Variants in FAM83H observed in about 807,000 individuals in gnomAD.
The protein encoded by FAM83H is scaffolding CK1 anchoring protein H.
Under a neutral mutation model 30.2 loss-of-function variants are expected in FAM83H, and 24 were observed. The ratio of observed to expected loss-of-function variants is 0.79; its 90% CI spans 0.57 to 1.12. The LOEUF (loss-of-function observed/expected upper bound fraction) is 1.12, where lower values mean the gene tolerates loss of function less well. Ranked by LOEUF, FAM83H falls within the 50% of genes most tolerant of loss-of-function variation. The pLI, the probability that FAM83H is intolerant of heterozygous loss-of-function variation, is 0.00. For missense variants in FAM83H, 2,038 were observed against 1,773.9 expected, an observed-to-expected ratio of 1.15 and a Z score of -2.67; for synonymous variants, 1,013 against 821.7, an observed-to-expected ratio of 1.23 and a Z score of -3.98.
In FAM83H at chr8:143,729,069, G is replaced by T; in HGVS notation, c.635C>A (p.Ala212Glu). 1.9e-6 allele frequency: 3 copies of T among 1,613,690 alleles called. No individual in the cohort carries two copies. The highest frequency in any genetic ancestry group is 2.5e-6 in the Non-Finnish European group (3 of 1,180,002). The change falls in exon 4 of 5, where the codon GCG becomes GAG. Residue 212 changes from alanine (A) to glutamate (E), a missense_variant. Coordinates refer to ENST00000388913, the MANE Select transcript of FAM83H (RefSeq NM_198488.5). ...HVDFLRVRTV[A>E]GPTYYCRTGK... Reference sequence around the variant, plus strand: ...AGTGCGGCAGTAGTAGGTGGGGCCCGCCACAGTCCGTACGCGCAGGAACTG... The same window carrying T: ...AGTGCGGCAGTAGTAGGTGGGGCCCTCCACAGTCCGTACGCGCAGGAACTG...
chr8:143,730,563 C>G lies in FAM83H; in HGVS notation c.20G>C (p.Ser7Thr). 1.3e-6 allele frequency: 2 copies of G among 1,555,880 alleles called. No individual in the cohort carries two copies. The highest frequency in any genetic ancestry group is 1.7e-6 in the Non-Finnish European group (2 of 1,151,672). MARRSQSSSQGDNPLAP... is the reference protein window; with the variant it reads MARRSQTSSQGDNPLAP... Reference sequence around the variant, plus strand: ...CAGTGGGTTGTCCCCCTGCGAGGAGCTCTGAGAGCGACGGGCCATGTTGGG... The same window carrying G: ...CAGTGGGTTGTCCCCCTGCGAGGAGGTCTGAGAGCGACGGGCCATGTTGGG... Residue 7 changes from serine (S) to threonine (T), a missense_variant, in exon 2 of 5, where the codon AGC becomes ACC. Transcript: ENST00000388913.
rs1818281543 is a variant in FAM83H, at chr8:143,726,169, T to C, written c.3292A>G (p.Ser1098Gly). Residue 1098 changes from serine (S) to glycine (G), a missense_variant, in exon 5 of 5, where the codon AGC becomes GGC. Coordinates refer to ENST00000388913, the MANE Select transcript of FAM83H (RefSeq NM_198488.5). ...DKCSAIFRSD[S>G]LGTQGRLSRT... ...CTCAGCCGGCCCTGGGTCCCCAAGC[T>C]GTCCGAGCGGAAGATGGCTGAACAC... 1.9e-6 allele frequency: 3 copies of C among 1,612,182 alleles called. No homozygotes were observed. Among genetic ancestry groups the C allele is most frequent in the Non-Finnish European group, 2.5e-6 (3 of 1,179,662 alleles).
At chr8:143,729,367 CCCACACCATTGTCCAGCCTCCCCT>C in intron 2 of FAM83H, 44 bp from the exon 3 acceptor site, 1 of 1,608,352 alleles carries the variant, frequency 6.2e-7, no homozygotes, top group Admixed American at 1.7e-5. Flanking sequence ...CCCTGCTGTC[CCCACACCATTGTCCAGCCTCCCCT>C]CCACACCCGG....
At position 143,725,848 on chromosome 8, in the gene FAM83H, C is replaced by T. The variant is rs1818268458; in HGVS notation, c.*73G>A. The stretch of plus-strand genomic sequence containing the variant: ...TGCTCAAGCAGATGAGCAGGGCTCT[C>T]TGTTCCGCGGGGCTTCTGGATGACC... On this transcript the variant is annotated 3_prime_UTR_variant, in exon 5 of 5. Coordinates refer to ENST00000388913, the MANE Select transcript of FAM83H (RefSeq NM_198488.5). 1.9e-6 allele frequency: 3 copies of T among 1,576,700 alleles called. No homozygotes were observed. The highest frequency in any genetic ancestry group is 2.3e-5 in the East Asian group (1 of 43,696).
chr8:143,728,698 G>T lies in FAM83H; in HGVS notation c.763C>A (p.His255Asn). 6.2e-7 allele frequency: 1 copy of T among 1,600,490 alleles called. No individual in the cohort carries two copies. ...YSFMWSFEKI[H>N]RSLAHVFQGE... Reference sequence around the variant, plus strand: ...TGGAACACGTGCGCCAGGCTGCGGTGGATCTTCTCAAAGGACCACATGAAG... The same window carrying T: ...TGGAACACGTGCGCCAGGCTGCGGTTGATCTTCTCAAAGGACCACATGAAG... The change falls in exon 5 of 5, where the codon CAC becomes AAC. Residue 255 changes from histidine to asparagine, a missense_variant. By Grantham distance (68) the His-to-Asn change is moderately conservative. Transcript: ENST00000388913.
chr8:143,729,025 G>C lies in FAM83H; in HGVS notation c.679C>G (p.His227Asp). ...YCRTGKSFKG[H>D]VKEKFLLVDC... ...ACCAGCAGGAACTTCTCCTTGACGT[G>C]GCCCTTGAAGGACTTCCCAGTGCGG... is the stretch of plus-strand genomic sequence containing the variant. The change falls in exon 4 of 5, where the codon CAC becomes GAC. Residue 227 changes from histidine to aspartate, a missense_variant. His to Asp is a moderately conservative substitution (Grantham distance 81, BLOSUM62 -1). Coordinates refer to ENST00000388913, the MANE Select transcript of FAM83H (RefSeq NM_198488.5). 6.2e-7 allele frequency: 1 copy of C among 1,613,662 alleles called. No homozygotes were observed. The highest frequency in any genetic ancestry group is 8.5e-7 in the Non-Finnish European group (1 of 1,179,986).
rs1395342061 is a variant in FAM83H, at chr8:143,726,488, C to T, written c.2973G>A (p.Gln991=). The T allele has an allele frequency of 1.9e-6, 3 of 1,605,146 alleles. No individual in the cohort carries two copies. The highest frequency in any genetic ancestry group is 1.7e-5 in the Admixed American group (1 of 59,816). ...MEDEGGFPVP[Q]ENGQPESPRR... is the part of the protein sequence containing the mutation. ...GCGGGCTCTCGGGTTGGCCGTTCTC[C>T]TGCGGCACTGGGAAGCCACCCTCAT... Residue 991 remains glutamine (Q), a synonymous_variant, in exon 5 of 5, where the codon CAG becomes CAA. Transcript: ENST00000388913.
Position 143,729,263 on chromosome 8 carries a change from C to T in FAM83H, c.508G>A (p.Ala170Thr). The T allele has an allele frequency of 6.2e-7, 1 of 1,613,408 alleles. No individual in the cohort carries two copies. Among genetic ancestry groups the T allele is most frequent in the Non-Finnish European group, 8.5e-7 (1 of 1,180,016 alleles). ...TAGACTGGGACCCGACGGGCCGCGG[C>T]CTCCAGCACTTCGCTGAGCAGGTCC... ...DVDLLSEVLE[A>T]AARRVPVYIL... Residue 170 changes from alanine to threonine, a missense_variant, in exon 3 of 5, where the codon GCC becomes ACC. Transcript: ENST00000388913.
Position 143,730,457 on chromosome 8 carries a change from G to A in FAM83H, c.126C>T (p.Ala42=), listed in dbSNP as rs782527692. 1 of 1,611,614 alleles carries A rather than the reference G, an allele frequency of 6.2e-7. No individual in the cohort carries two copies. The highest frequency in any genetic ancestry group is 1.1e-5 in the South Asian group (1 of 91,050). Residue 42 remains alanine (A), a synonymous_variant, in exon 2 of 5, where the codon GCC becomes GCT. Coordinates refer to ENST00000388913, the MANE Select transcript of FAM83H (RefSeq NM_198488.5). The part of the protein sequence containing the change: ...VDALAEGGSE[A]YSRFLATEGA... ...CCTCGGTAGCGAGGAAGCGGCTGTA[G>A]GCCTCCGAGCCACCCTCGGCCAGTG...
chr8:143,729,623 A>G (rs1240508654), intron 2 of FAM83H, among the ~76,000 whole-genome samples: 2 of 152,246 alleles, frequency 1.3e-5, no homozygotes, highest in Non-Finnish European at 2.9e-5. Flanking sequence ...TCCACCCTAC[A>G]GACGGCTGAG....
Position 143,726,909 on chromosome 8 carries a change from G to A in FAM83H, c.2552C>T (p.Pro851Leu), listed in dbSNP as rs529733873. The change falls in exon 5 of 5, where the codon CCT becomes CTT. Residue 851 changes from proline (P) to leucine (L), a missense_variant. Transcript: ENST00000388913. ...HSTSPQGLDS[P>L]LPLEGSGAHQ... ...CGCTCCGGACCCTTCCAGCGGCAGAGGGCTGTCCAGCCCTTGCGGGGACGT... is the reference window on the plus strand; with the variant it reads ...CGCTCCGGACCCTTCCAGCGGCAGAAGGCTGTCCAGCCCTTGCGGGGACGT... 11 of 1,612,524 alleles carry A rather than the reference G, an allele frequency of 6.8e-6. No homozygotes were observed. The highest frequency in any genetic ancestry group is 5.5e-5 in the South Asian group (5 of 91,026).
rs782017144 is a variant in FAM83H, at chr8:143,728,440, G to C, written c.1021C>G (p.Pro341Ala). Reference protein sequence around the residue: ...PPPREEGLGFPSFLDPDRHFL... With the variant: ...PPPREEGLGFASFLDPDRHFL... ...TGGCGGTCCGGGTCGAGGAAGGAGG[G>C]GAAGCCCAGGCCCTCTTCCCGGGGT... Residue 341 changes from proline to alanine, a missense_variant, in exon 5 of 5, where the codon CCC becomes GCC. Pro to Ala is a conservative substitution (Grantham distance 27). Coordinates refer to ENST00000388913, the MANE Select transcript of FAM83H (RefSeq NM_198488.5). 9.0e-6 allele frequency: 14 copies of C among 1,550,076 alleles called. No individual in the cohort carries two copies. The highest frequency in any genetic ancestry group is 1.2e-5 in the Non-Finnish European group (14 of 1,146,530).
chr8:143,730,149 C>T lies in FAM83H; in HGVS notation c.434G>A (p.Arg145His), dbSNP rs199765379. The change falls in exon 2 of 5, where the codon CGT (arginine) becomes CAT (histidine). Residue 145 changes from arginine (R) to histidine (H), a missense_variant. By Grantham distance (29) the Arg-to-His change is conservative. Transcript: ENST00000388913. Reference protein sequence around the residue: ...SIKDEARRMIRSAQQVVAVVM... With the variant: ...SIKDEARRMIHSAQQVVAVVM... ...AAGATGGCGCACCTGCTGGGCGGAACGGATCATCCTGCGGGCCTCATCCTT... is the reference window on the plus strand; with the variant it reads ...AAGATGGCGCACCTGCTGGGCGGAATGGATCATCCTGCGGGCCTCATCCTT... 124 of 1,579,284 alleles carry T rather than the reference C, an allele frequency of 7.9e-5. No individual in the cohort carries two copies. Among genetic ancestry groups the T allele is most frequent in the African/African-American group, 5.6e-4 (42 of 74,434 alleles).
Position 143,727,961 on chromosome 8 carries a change from G to T in FAM83H, c.1500C>A (p.Leu500=). The T allele has an allele frequency of 6.4e-7, 1 of 1,563,246 alleles. No homozygotes were observed. ...TLGAGPRFPE[L]GPDGHQRLDY... is the part of the protein sequence containing the mutation. ...CCAGCCGCTGGTGCCCGTCGGGTCCGAGCTCCGGGAAGCGGGGCCCGGCGC... is the reference window on the plus strand; with the variant it reads ...CCAGCCGCTGGTGCCCGTCGGGTCCTAGCTCCGGGAAGCGGGGCCCGGCGC... The change falls in exon 5 of 5, where the codon CTC becomes CTA. Residue 500 remains leucine, a synonymous_variant. Coordinates refer to ENST00000388913, the MANE Select transcript of FAM83H (RefSeq NM_198488.5).
At position 143,727,769 on chromosome 8, in the gene FAM83H, C is replaced by T. The variant is rs1587454150; in HGVS notation, c.1692G>A (p.Ala564=). The T allele has an allele frequency of 5.5e-6, 8 of 1,463,146 alleles. No homozygotes were observed. In the Admixed American group the frequency reaches 1.3e-4, roughly 23 times the overall value. 90.6% of individuals were successfully genotyped at this position (1,463,146 alleles called of 1,614,324 possible). ...CGGGCCCGCCCCTGCGCTCCGGCTC[C>T]GCCTCGGGAGCGGGGTCTGGGCCCG... The part of the protein sequence containing the change: ...ARPGPDPAPE[A]EPERRGGPEG... The change falls in exon 5 of 5, where the codon GCG becomes GCA. Residue 564 remains alanine (A), a synonymous_variant. Coordinates refer to ENST00000388913, the MANE Select transcript of FAM83H (RefSeq NM_198488.5).
In FAM83H at chr8:143,726,734, G is replaced by T; in HGVS notation, c.2727C>A (p.Pro909=). The change falls in exon 5 of 5, where the codon CCC becomes CCA. Residue 909 remains proline (P), a synonymous_variant. Coordinates refer to ENST00000388913, the MANE Select transcript of FAM83H (RefSeq NM_198488.5). The part of the protein sequence containing the change: ...EQKGSPTSAY[P]ERRGSPVPPV... ...GGGGCACCGGACTACCCCTGCGCTC[G>T]GGGTAGGCTGAGGTGGGGCTCCCCT... 3 of 1,611,540 alleles carry T rather than the reference G, an allele frequency of 1.9e-6. No individual in the cohort carries two copies. The highest frequency in any genetic ancestry group is 2.2e-5 in the South Asian group (2 of 90,938).
chr8:143,727,859 C>T lies in FAM83H; in HGVS notation c.1602G>A (p.Leu534=), dbSNP rs1411034056. ...DPAFAPGPRG[L]EPSGAPRPNL... Reference sequence around the variant, plus strand: ...TGGGGCGCGGGGCTCCGCTGGGCTCCAGGCCGCGGGGTCCGGGCGCGAAGG... The same window carrying T: ...TGGGGCGCGGGGCTCCGCTGGGCTCTAGGCCGCGGGGTCCGGGCGCGAAGG... Residue 534 remains leucine, a synonymous_variant, in exon 5 of 5, where the codon CTG becomes CTA. Transcript: ENST00000388913. 6.0e-6 allele frequency: 8 copies of T among 1,337,002 alleles called. No homozygotes were observed. In the African/African-American group the frequency reaches 1.2e-4, roughly 21 times the overall value. 82.8% of individuals were successfully genotyped at this position (1,337,002 alleles called of 1,614,324 possible).
At chr8:143,732,023 G>C in intron 1 of FAM83H, 1 of 985,452 alleles carries the variant, frequency 1.0e-6, no homozygotes, top group Non-Finnish European at 1.2e-6. Context: ...ACAGGTTCCT[G>C]AATGTTGGCC....
intron 1 of FAM83H, chr8:143,732,975 G>A (rs940958709): frequency 1.9e-5 from 3 of 154,468 alleles, no homozygotes; most frequent in Non-Finnish European, 1.5e-5. Flanking sequence ...TCTGGAAGGA[G>A]GACCCCATGG....
Sources: gnomAD v4.1 joint callset for allele counts (sites outside exome capture counted in the v4.1 genomes callset) on GRCh38, gnomAD v4.1.1 for gene constraint, MANE v1.5 for transcripts, NCBI Gene and HGNC (gene_info 2026-07-23, HGNC 2026-07-21) for gene names.